Variants in NBEAL1 observed in about 807,000 individuals in gnomAD.
NBEAL1 encodes the protein neurobeachin-like protein 1.
NBEAL1 carries 273 observed loss-of-function variants against 351.3 expected under a neutral mutation model. The ratio of observed to expected loss-of-function variants is 0.78; its 90% CI spans 0.70 to 0.86. The LOEUF is 0.86. NBEAL1 is among the 40% of genes least tolerant of loss of function. NBEAL1 has a pLI of 0.00. For synonymous variants in NBEAL1, 1,050 were observed against 1,086.4 expected (o/e 0.97, Z 0.66); for missense variants, 2,961 against 3,201.3 (o/e 0.92, Z 1.81).
At chr2:203,059,597 T>C (rs2061462131) in intron 6 of NBEAL1, among the ~76,000 whole-genome samples, 3 of 152,282 alleles carry the variant, frequency 2.0e-5, no homozygotes, top group African/African-American at 4.8e-5. Context: ...TGTGATTACA[T>C]GTCCCCATCT....
At position 203,180,373 on chromosome 2, in the gene NBEAL1, T is replaced by C. The variant is rs2064670123; in HGVS notation, c.6465-9T>C. 1.3e-6 allele frequency: 2 copies of C among 1,592,440 alleles called. No homozygotes were observed. The highest frequency in any genetic ancestry group is 1.4e-5 in the African/African-American group (1 of 73,438). On this transcript the variant is annotated splice_polypyrimidine_tract_variant and intron_variant, in intron 42 of 55. Transcript: ENST00000683969. ...CAATATTTACTTCTCTTTTAATTTC[T>C]ACATGCAGGTTTGACTGTGCAGATC...
At chr2:203,171,864 G>A in intron 39 of NBEAL1, 64 bp from the exon 40 acceptor site, 1 of 781,414 alleles carries the variant, frequency 1.3e-6, no homozygotes, top group African/African-American at 1.8e-5. Context: ...GTCAGTAATA[G>A]CTACCAATGT....
In NBEAL1 at chr2:203,077,741, A is replaced by T; in HGVS notation, c.599-11A>T. 1 of 1,268,538 alleles carries T rather than the reference A, an allele frequency of 7.9e-7. No homozygotes were observed. Among genetic ancestry groups the T allele is most frequent in the African/African-American group, 1.5e-5 (1 of 64,812 alleles). The allele number at this position is 1,268,538 out of a possible 1,614,324, so 78.6% of individuals were successfully genotyped here. On this transcript the variant is annotated splice_polypyrimidine_tract_variant and intron_variant, in intron 7 of 55. Transcript: ENST00000683969. ...ATCTTATTTATTTATTTATTTATTT[A>T]TTATTTACAGAATGTTTTCAGGAAA... is the stretch of plus-strand genomic sequence containing the variant.
chr2:203,169,925 T>C (rs1041592529), intron 39 of NBEAL1, 74 bp downstream of exon 39: 11 of 943,730 alleles, frequency 1.2e-5, no homozygotes, highest in Non-Finnish European at 1.8e-5. Flanking sequence ...CTTCTGATTT[T>C]CCTTTGATTT....
chr2:203,095,316 C>T (rs1236940881), intron 10 of NBEAL1, among the ~76,000 whole-genome samples: 1 of 151,512 alleles, frequency 6.6e-6, no homozygotes, highest in African/African-American at 2.4e-5. Flanking sequence ...GTTTTTGAGG[C>T]GAAGTTTTGC....
chr2:203,213,724 T>G (rs2065851089), intron 55 of NBEAL1, 71 bp downstream of exon 55: 2 of 1,594,524 alleles, frequency 1.3e-6, no homozygotes, highest in Non-Finnish European at 8.5e-7. Flanking sequence ...TCATTCCAAC[T>G]GATTGAGAAG....
chr2:203,184,056 C>T (rs1385188105), intron 44 of NBEAL1, among the ~76,000 whole-genome samples: 8 of 130,538 alleles, frequency 6.1e-5, no homozygotes, highest in South Asian at 2.4e-4. Flanking sequence ...CCAGCCCAGG[C>T]GACAGAGCGA....
intron 7 of NBEAL1, among the ~76,000 whole-genome samples, chr2:203,075,506 T>C (rs2061755941): frequency 6.6e-6 from 1 of 152,242 alleles, no homozygotes; most frequent in African/African-American, 2.4e-5. Context: ...TTACAGTTTC[T>C]TTGTAGTTTT....
intron 51 of NBEAL1, among the ~76,000 whole-genome samples, chr2:203,203,438 G>A (rs1455655017): frequency 6.6e-6 from 1 of 152,088 alleles, no homozygotes; most frequent in Non-Finnish European, 1.5e-5. Context: ...GCCTCCCAAA[G>A]TGCTGGGATT....
intron 8 of NBEAL1, among the ~76,000 whole-genome samples, chr2:203,080,721 T>A (rs776349351): frequency 6.6e-6 from 1 of 152,140 alleles, no homozygotes; most frequent in Non-Finnish European, 1.5e-5. Context: ...GAAAAGAGTC[T>A]CCTTGTAGTG....
At chr2:203,096,708 C>A (rs2062191754) in intron 10 of NBEAL1, among the ~76,000 whole-genome samples, 2 of 152,150 alleles carry the variant, frequency 1.3e-5, no homozygotes, top group Admixed American at 6.5e-5. Context: ...AATGTTTTAA[C>A]AAAATGTGTG....
intron 44 of NBEAL1, among the ~76,000 whole-genome samples, chr2:203,183,684 G>A (rs549138666): frequency 1.1e-4 from 16 of 152,264 alleles, no homozygotes; most frequent in African/African-American, 2.6e-4. Flanking sequence ...CCAAGCTGGT[G>A]TAGTTTGGTG....
chr2:203,045,202 A>G (rs2061206787), intron 3 of NBEAL1, among the ~76,000 whole-genome samples: 1 of 152,196 alleles, frequency 6.6e-6, no homozygotes, highest in Non-Finnish European at 1.5e-5. Flanking sequence ...ATGTGCATAT[A>G]GAGAATGGGA....
chr2:203,142,595 A>T (rs536254727), intron 31 of NBEAL1, among the ~76,000 whole-genome samples: 1 of 152,224 alleles, frequency 6.6e-6, no homozygotes, highest in African/African-American at 2.4e-5. Flanking sequence ...TCTTATATTC[A>T]TTAAAAGTAC....
intron 49 of NBEAL1, 100 bp downstream of exon 49, chr2:203,199,547 T>A (rs1313614557): frequency 4.4e-5 from 20 of 458,372 alleles, no homozygotes; most frequent in South Asian, 2.4e-4. Context: ...AAGAAATATT[T>A]TTTTTTTTTT....
intron 2 of NBEAL1, among the ~76,000 whole-genome samples, chr2:203,036,266 T>C (rs1288121170): frequency 6.7e-6 from 1 of 149,454 alleles, no homozygotes; most frequent in Non-Finnish European, 1.5e-5. Context: ...CCTTTGGCAG[T>C]AAAATGATCT....
At chr2:203,125,886 C>CTATAT in intron 20 of NBEAL1, 74 bp from the exon 21 acceptor site, 1 of 1,216,270 alleles carries the variant, frequency 8.2e-7, no homozygotes, top group South Asian at 1.7e-5. Context: ...TAACAGTGTG[C>CTATAT]ATTAAGATAT....
intron 34 of NBEAL1, among the ~76,000 whole-genome samples, chr2:203,150,388 T>C (rs2063617928): frequency 6.6e-6 from 1 of 152,068 alleles, no homozygotes; most frequent in African/African-American, 2.4e-5. Flanking sequence ...CCTTTGCCCA[T>C]TTTTAGATTG....
intron 3 of NBEAL1, among the ~76,000 whole-genome samples, chr2:203,043,716 A>G (rs1377270658): frequency 1.3e-5 from 2 of 151,632 alleles, no homozygotes; most frequent in East Asian, 3.9e-4. Context: ...GTGACAGAGT[A>G]AAACCCTGTC....
Sources: gnomAD v4.1 joint callset for allele counts (sites outside exome capture counted in the v4.1 genomes callset) on GRCh38, gnomAD v4.1.1 for gene constraint, MANE v1.5 for transcripts, NCBI Gene and HGNC (gene_info 2026-07-23, HGNC 2026-07-21) for gene names.